Variants in FRMPD4 observed in about 807,000 individuals in gnomAD.
FRMPD4 encodes the protein FERM and PDZ domain containing 4.
A neutral mutation model predicts 94.1 loss-of-function variants in FRMPD4; 22 were observed. The observed-to-expected ratio is 0.23, with a 90% CI of 0.17 to 0.33. The LOEUF is 0.33. Among genes scored for constraint, FRMPD4 ranks in the 10% least tolerant of loss-of-function variants. FRMPD4 has a pLI of 1.00. For missense variants in FRMPD4, 1,111 were observed against 1,339.9 expected (o/e 0.83, Z 2.67); for synonymous variants, 631 against 548.6 (o/e 1.15, Z -2.10).
intron 1 of FRMPD4, among the ~76,000 whole-genome samples, chrX:12,397,379 T>G (rs1382280027): frequency 8.9e-6 from 1 of 111,918 alleles, no homozygotes; most frequent in East Asian, 2.8e-4. Flanking sequence ...ATTTGTGGTG[T>G]TAAAGCAATG....
intron 3 of FRMPD4, among the ~76,000 whole-genome samples, chrX:11,974,342 G>A (rs1019868360): frequency 1.4e-4 from 16 of 111,156 alleles, no homozygotes; most frequent in Non-Finnish European, 2.8e-4. Flanking sequence ...CCACTCTTTC[G>A]CTTGCTTCCT....
intron 3 of FRMPD4, among the ~76,000 whole-genome samples, chrX:11,879,068 T>G (rs758848498): frequency 1.8e-5 from 2 of 112,133 alleles, no homozygotes; most frequent in South Asian, 7.5e-4. Context: ...TTGAGATGAG[T>G]GCAAATGAAA....
intron 1 of FRMPD4, among the ~76,000 whole-genome samples, chrX:12,238,396 C>T (rs2147789016): frequency 8.9e-6 from 1 of 111,770 alleles, no homozygotes; most frequent in South Asian, 3.8e-4. Context: ...CGACCAGCCT[C>T]CCAAAGTGCT....
At chrX:12,188,115 TC>T (rs1340756207) in intron 1 of FRMPD4, among the ~76,000 whole-genome samples, 1 of 111,570 alleles carries the variant, frequency 9.0e-6, no homozygotes, top group Non-Finnish European at 1.9e-5. Context: ...TAGACTGGAA[TC>T]CCAGCCCTAC....
chrX:12,475,202 A>G (rs998795696), intron 1 of FRMPD4, among the ~76,000 whole-genome samples: 1 of 112,154 alleles, frequency 8.9e-6, no homozygotes, highest in Non-Finnish European at 1.9e-5. Context: ...ACAGAACCAA[A>G]GACAAAAACC....
chrX:12,045,145 C>A (rs2054778615), intron 3 of FRMPD4, among the ~76,000 whole-genome samples: 1 of 111,850 alleles, frequency 8.9e-6, no homozygotes, highest in South Asian at 3.7e-4. Flanking sequence ...GGAACACAAC[C>A]ATGCTCATTC....
chrX:11,878,605 A>G (rs766184570), intron 3 of FRMPD4, among the ~76,000 whole-genome samples: 1 of 112,479 alleles, frequency 8.9e-6, no homozygotes, highest in East Asian at 2.8e-4. Flanking sequence ...GAGAACCATC[A>G]TAATTTTACA....
In FRMPD4 at chrX:12,172,745, G is replaced by A. The variant is rs373268482; in HGVS notation, c.41+33733G>A. Among the ~76,000 whole-genome samples, 4 of 112,329 alleles carry A rather than the reference G, an allele frequency of 3.6e-5. No homozygotes were observed. The East Asian group carries it at 8.4e-4, about 24-fold the overall frequency. ...TATGGCTGGTTTTGAAAGGGGCCAT[G>A]AGCCAGGAATACAAATGGCCTCCTC... On this transcript the variant is annotated intron_variant, in intron 1 of 16. Transcript: ENST00000675598.
intron 1 of FRMPD4, among the ~76,000 whole-genome samples, chrX:12,282,525 T>C (rs774423316): frequency 2.2e-4 from 25 of 112,107 alleles, no homozygotes; most frequent in African/African-American, 7.8e-4. Context: ...AGGTATCCTG[T>C]GGCACGTGGC....
chrX:12,599,041 G>T (rs1385719125), intron 2 of FRMPD4, among the ~76,000 whole-genome samples: 2 of 111,438 alleles, frequency 1.8e-5, no homozygotes, highest in African/African-American at 3.3e-5. Flanking sequence ...AAACCATGGG[G>T]TTCTTTTCAC....
intron 2 of FRMPD4, among the ~76,000 whole-genome samples, chrX:12,579,474 A>G (rs958748967): frequency 8.9e-6 from 1 of 111,750 alleles, no homozygotes; most frequent in Non-Finnish European, 1.9e-5. Context: ...TTCCGGGACA[A>G]TCGGTTTCTG....
intron 2 of FRMPD4, among the ~76,000 whole-genome samples, chrX:12,520,430 G>T (rs948495041): frequency 3.6e-5 from 4 of 111,512 alleles, no homozygotes; most frequent in African/African-American, 1.3e-4. Context: ...AAGTTCTGGA[G>T]ATCTGTTGTG....
intron 3 of FRMPD4, among the ~76,000 whole-genome samples, chrX:12,044,952 C>T (rs1248278994): frequency 8.9e-6 from 1 of 111,964 alleles, no homozygotes; most frequent in Non-Finnish European, 1.9e-5. Flanking sequence ...AGAAAATGTG[C>T]TAAACTAGGG....
chrX:12,154,953 C>T (rs2055911572), intron 1 of FRMPD4, among the ~76,000 whole-genome samples: 1 of 112,393 alleles, frequency 8.9e-6, no homozygotes, highest in African/African-American at 3.2e-5. Context: ...GTGGCCAGAG[C>T]ACTGTGAGCA....
At chrX:12,515,976 CTG>C (rs2058091988) in intron 2 of FRMPD4, among the ~76,000 whole-genome samples, 1 of 111,359 alleles carries the variant, frequency 9.0e-6, no homozygotes, top group Non-Finnish European at 1.9e-5. Flanking sequence ...TTTTTTTTAT[CTG>C]TGTTGGTTTA....
chrX:11,980,937 G>A (rs937345481), intron 3 of FRMPD4, among the ~76,000 whole-genome samples: 55 of 110,707 alleles, frequency 5.0e-4, no homozygotes, highest in African/African-American at 1.8e-3. Flanking sequence ...GCAAACTACC[G>A]CCCCTGGGCC....
intron 2 of FRMPD4, among the ~76,000 whole-genome samples, chrX:12,525,846 T>C: frequency 8.9e-6 from 1 of 111,882 alleles, no homozygotes; most frequent in Non-Finnish European, 1.9e-5. Flanking sequence ...TGGCATCTGA[T>C]TGTGGTTTTG....
In FRMPD4 at chrX:12,563,275, T is replaced by C. The variant is rs142594167; in HGVS notation, c.159-46446T>C. ...ACACACACACACACACACACACACA[T>C]ACCAGACCTCTGAATCAGAGACAGA... On this transcript the variant is annotated intron_variant, in intron 2 of 16. Transcript: ENST00000675598. Among the ~76,000 whole-genome samples the C allele has an allele frequency of 5.7e-3, 359 of 62,853 alleles. 2 individuals carry two copies. Among genetic ancestry groups the C allele is most frequent in the Non-Finnish European group, 8.7e-3 (280 of 32,098 alleles). 54.6% of individuals were successfully genotyped at this position (62,853 alleles called of 115,157 possible). A position where few individuals can be genotyped will look rare whatever the true frequency, so the allele number is the denominator to read the frequency against.
chrX:12,398,758 A>C (rs2056574852), intron 1 of FRMPD4, among the ~76,000 whole-genome samples: 1 of 111,416 alleles, frequency 9.0e-6, no homozygotes, highest in East Asian at 2.8e-4. Flanking sequence ...AAATCCATCC[A>C]AAAAAAATTA....
Sources: allele counts gnomAD v4.1 joint callset (sites outside exome capture counted in the v4.1 genomes callset), GRCh38; gene constraint gnomAD v4.1.1; transcripts MANE v1.5; gene names NCBI Gene and HGNC (gene_info 2026-07-23, HGNC 2026-07-21).